Variants in SCN3B observed in about 807,000 individuals in gnomAD.
SCN3B encodes the protein sodium voltage-gated channel beta subunit 3.
A neutral mutation model predicts 25.4 loss-of-function variants in SCN3B; 11 were observed. The observed-to-expected ratio is 0.43, with a 90% confidence interval of 0.27 to 0.72. The LOEUF (loss-of-function observed/expected upper bound fraction) is 0.72. Among genes scored for constraint, SCN3B ranks in the 30% least tolerant of loss-of-function variants. SCN3B has a pLI of 0.18. For synonymous variants in SCN3B, 109 were observed against 110.7 expected, an observed-to-expected ratio of 0.99 and a Z score of 0.09; for missense variants, 218 against 278.3, an observed-to-expected ratio of 0.78 and a Z score of 1.54.
rs1054163678 is a variant in SCN3B at position 123,629,430 on chromosome 11, T to G, written c.*4369A>C. The G allele has an allele frequency of 1.3e-5, 2 of 152,254 alleles. No individual in the cohort carries two copies. The highest frequency in any genetic ancestry group is 3.8e-4 in the East Asian group (2 of 5,196). 9.4% of individuals were successfully genotyped at this position (152,254 alleles called of 1,614,324 possible). A position where few individuals can be genotyped will look rare whatever the true frequency, so the allele number is the denominator to read the frequency against. ...GCAGGGAGGAAGCACAGAGCATTGC[T>G]GGCTCTGAGGGTCAGCTGGCCTGGG... On this transcript the variant is annotated 3_prime_UTR_variant, in exon 7 of 7. Transcript: ENST00000299333.
intron 2 of SCN3B, 61 bp from the exon 3 acceptor site, chr11:123,645,811 A>T: frequency 1.3e-6 from 2 of 1,577,744 alleles, no homozygotes; most frequent in Non-Finnish European, 1.7e-6. Context: ...GGCACAGGAG[A>T]GAAACATTGG....
intron 1 of SCN3B, 197 bp from the exon 2 acceptor site, chr11:123,654,023 G>A (rs1198461243): frequency 1.7e-6 from 1 of 594,596 alleles, no homozygotes; most frequent in Non-Finnish European, 3.0e-6. Flanking sequence ...GACCTCCCCA[G>A]TTCGAGGGAG....
rs1395351189 is a variant in SCN3B, at chr11:123,644,773, G to GAC, written c.219+813_219+814insGT. 3.1e-3 allele frequency among the ~76,000 whole-genome samples: 234 copies of GAC among 75,100 alleles called. 3 individuals carry two copies. The Middle Eastern group carries it at 0.041, about 13-fold the overall frequency. 49.3% of individuals were successfully genotyped at this position (75,100 alleles called of 152,430 possible). On this transcript the variant is annotated intron_variant, in intron 3 of 6. Transcript: ENST00000299333. ...GACAGAGGGAGACCCCGTTGAGAGA[G>GAC]AGAGAGAGAGAGAGAGAGAGAGAGA...
chr11:123,635,519 C>G (rs1375522008), intron 5 of SCN3B, among the ~76,000 whole-genome samples: 1 of 152,048 alleles, frequency 6.6e-6, no homozygotes, highest in East Asian at 1.9e-4. Context: ...CCCGTCTCTA[C>G]TAAAAAAATA....
At chr11:123,645,797 G>A in intron 2 of SCN3B, 47 bp from the exon 3 acceptor site, 3 of 1,596,600 alleles carry the variant, frequency 1.9e-6, no homozygotes, top group Non-Finnish European at 2.6e-6. Flanking sequence ...GGTGGTGGGG[G>A]AGGGGCACAG....
At chr11:123,635,405 C>G (rs1226373232) in intron 5 of SCN3B, among the ~76,000 whole-genome samples, 1 of 152,130 alleles carries the variant, frequency 6.6e-6, no homozygotes, top group Admixed American at 6.6e-5. Context: ...CTTCATCTGG[C>G]TGGGCGCAGT....
intron 4 of SCN3B, among the ~76,000 whole-genome samples, chr11:123,641,914 G>A (rs1274064951): frequency 6.6e-6 from 1 of 152,246 alleles, no homozygotes; most frequent in Non-Finnish European, 1.5e-5. Context: ...CCGCCAGGCA[G>A]TGTGTCACGC....
At chr11:123,649,697 GTCTC>G (rs1253753170) in intron 2 of SCN3B, among the ~76,000 whole-genome samples, 2 of 118,920 alleles carry the variant, frequency 1.7e-5, no homozygotes, top group South Asian at 2.6e-4. Context: ...CTCTGTCTCT[GTCTC>G]TCTCTCTTTC....
Position 123,638,342 on chromosome 11 carries a change from A to G in SCN3B, c.446-18T>C. 1 of 1,613,706 alleles carries G rather than the reference A, an allele frequency of 6.2e-7. No individual in the cohort carries two copies. The highest frequency in any genetic ancestry group is 8.5e-7 in the Non-Finnish European group (1 of 1,180,020). ...CTCTCCAGCTGAAAGAAAGAGAATG[A>G]GGTTCAGAATATGCAAATCCAGCAA... On this transcript the variant is annotated intron_variant, in intron 4 of 6. Coordinates refer to ENST00000299333, the MANE Select transcript of SCN3B (RefSeq NM_001040151.2).
chr11:123,651,615 C>T (rs1791982), intron 2 of SCN3B, among the ~76,000 whole-genome samples: 11,950 of 152,264 alleles, frequency 0.078, 495 homozygotes, highest in Middle Eastern at 0.11. Flanking sequence ...CCACCCGCCT[C>T]GGCCTCCCAA....
At chr11:123,639,047 T>C (rs1458406481) in intron 4 of SCN3B, 2 of 154,794 alleles carry the variant, frequency 1.3e-5, no homozygotes, top group African/African-American at 4.8e-5. Context: ...CTGAAAACTC[T>C]TCAATGCTCC....
At chr11:123,651,350 G>T (rs1955923801) in intron 2 of SCN3B, among the ~76,000 whole-genome samples, 1 of 151,486 alleles carries the variant, frequency 6.6e-6, no homozygotes, top group Non-Finnish European at 1.5e-5. Context: ...AATTGTATCT[G>T]TGAAGGGCGG....
intron 2 of SCN3B, among the ~76,000 whole-genome samples, chr11:123,646,420 G>T (rs1955854103): frequency 6.6e-6 from 1 of 152,178 alleles, no homozygotes; most frequent in South Asian, 2.1e-4. Flanking sequence ...CCAGTGTGAG[G>T]TATCCAATGT....
rs376915651 is a variant in SCN3B, at chr11:123,640,951, TC to T, written c.445+1494del. 1.2e-4 allele frequency: 18 copies of T among 152,364 alleles called. No homozygotes were observed. The East Asian group carries it at 3.5e-3, about 29-fold the overall frequency. The allele number at this position is 152,364 out of a possible 1,614,324, so 9.4% of individuals were successfully genotyped here. On this transcript the variant is annotated intron_variant, in intron 4 of 6. Coordinates refer to ENST00000299333, the MANE Select transcript of SCN3B (RefSeq NM_001040151.2). ...CTCTGATAATAAACTTGTTTTTCCT[TC>T]TGTTTTTACCCGAGGCTTGCTCTGG... is the stretch of plus-strand genomic sequence containing the variant.
intron 2 of SCN3B, among the ~76,000 whole-genome samples, chr11:123,647,490 AAAC>A (rs1260606415): frequency 6.6e-6 from 1 of 152,156 alleles, no homozygotes; most frequent in Non-Finnish European, 1.5e-5. Flanking sequence ...GAAAAAATAA[AAAC>A]AACATGATGG....
At chr11:123,640,828 G>A (rs907469649) in intron 4 of SCN3B, 2 of 152,278 alleles carry the variant, frequency 1.3e-5, no homozygotes, top group African/African-American at 4.8e-5. Context: ...GGACGCCAAT[G>A]TGGGCGATTC....
At chr11:123,637,859 G>A (rs1335060641) in intron 5 of SCN3B, among the ~76,000 whole-genome samples, 1 of 152,106 alleles carries the variant, frequency 6.6e-6, no homozygotes, top group African/African-American at 2.4e-5. Context: ...ACGGGTTGTG[G>A]TAGCAGCTGA....
intron 3 of SCN3B, among the ~76,000 whole-genome samples, chr11:123,645,113 TC>T (rs1262294215): frequency 2.0e-5 from 3 of 152,060 alleles, no homozygotes; most frequent in Non-Finnish European, 1.5e-5. Flanking sequence ...GTGCTGGGTG[TC>T]CCGGGTGAAT....
chr11:123,645,568 A>T lies in SCN3B; in HGVS notation c.219+19T>A. 1 of 1,614,044 alleles carries T rather than the reference A, an allele frequency of 6.2e-7. No homozygotes were observed. Among genetic ancestry groups the T allele is most frequent in the Non-Finnish European group, 8.5e-7 (1 of 1,179,908 alleles). On this transcript the variant is annotated intron_variant, in intron 3 of 6. Transcript: ENST00000299333. ...CAGAGGCCAGCAGAAGAAAGGCCAG[A>T]GTCAGCAGTCTAACATACAAGGAAA...
Sources: gnomAD v4.1 joint callset for allele counts (sites outside exome capture counted in the v4.1 genomes callset) on GRCh38, gnomAD v4.1.1 for gene constraint, MANE v1.5 for transcripts, NCBI Gene and HGNC (gene_info 2026-07-23, HGNC 2026-07-21) for gene names.